The following PARD3B variants were observed in gnomAD, a reference collection of about 807,000 sequenced individuals.
The protein encoded by PARD3B is par-3 family cell polarity regulator beta.
Under a neutral mutation model 130.2 loss-of-function variants are expected in PARD3B, and 103 were observed. That is an observed-to-expected ratio of 0.79 (90% confidence interval 0.67 to 0.93). PARD3B has a LOEUF of 0.93. Among genes scored for constraint, PARD3B ranks in the 40% least tolerant of loss-of-function variants. The probability of loss-of-function intolerance (pLI) is 0.00; values close to 1 mark genes in which losing one functional copy is unlikely to be tolerated. For synonymous variants in PARD3B, 583 were observed against 553.2 expected (o/e 1.05, Z -0.76); for missense variants, 1,609 against 1,499.2 (o/e 1.07, Z -1.21).
intron 2 of PARD3B, among the ~76,000 whole-genome samples, chr2:204,847,824 CAACTT>C (rs2044526855): frequency 6.6e-6 from 1 of 152,114 alleles, no homozygotes; most frequent in South Asian, 2.1e-4. Context: ...TGAAAGTTCT[CAACTT>C]AATAAGGAAA....
At chr2:204,883,419 T>TATATATATAAAATATATATATATATATA (rs2046134535) in intron 2 of PARD3B, among the ~76,000 whole-genome samples, 1 of 105,704 alleles carries the variant, frequency 9.5e-6, no homozygotes, top group African/African-American at 4.5e-5. Flanking sequence ...ATATATATAA[T>TATATATATAAAATATATATATATATATA]ATATATATAT....
chr2:205,228,563 CT>C (rs1320042254), intron 15 of PARD3B, among the ~76,000 whole-genome samples: 1 of 152,022 alleles, frequency 6.6e-6, no homozygotes, highest in Non-Finnish European at 1.5e-5. Context: ...TGAGGATTTG[CT>C]TATTACTTGT....
intron 1 of PARD3B, among the ~76,000 whole-genome samples, chr2:204,655,979 T>C (rs1332251717): frequency 6.6e-6 from 1 of 152,064 alleles, no homozygotes. Context: ...AGTAGACTTA[T>C]CTTTGGTGGC....
chr2:204,808,533 T>C lies in PARD3B; in HGVS notation c.222+122251T>C, dbSNP rs556842703. ...TAGGCCCTAGTGTCTCCTCTTTGTG[T>C]CCATGTGAGCTCATCATTTAGCTCC... is the stretch of plus-strand genomic sequence containing the variant. On this transcript the variant is annotated intron_variant, in intron 2 of 22. Transcript: ENST00000406610. Among the ~76,000 whole-genome samples, 3 of 152,240 alleles carry C rather than the reference T, an allele frequency of 2.0e-5. No homozygotes were observed. In the South Asian group the frequency reaches 6.2e-4, roughly 32 times the overall value.
At chr2:204,694,298 G>A (rs1175308002) in intron 2 of PARD3B, among the ~76,000 whole-genome samples, 1 of 151,986 alleles carries the variant, frequency 6.6e-6, no homozygotes, top group Non-Finnish European at 1.5e-5. Flanking sequence ...CGATTAAGTG[G>A]TCTTTTTTTC....
In PARD3B at chr2:204,669,609, G is replaced by T. The variant is rs1257337534; in HGVS notation, c.121-16572G>T. On this transcript the variant is annotated intron_variant, in intron 1 of 22. Transcript: ENST00000406610. This position sits in a 1 kb window ranked among gnomAD's most constrained non-coding sequence, Gnocchi z 4.3. ...GTCATTTCCTATTTGGTTTATCAGG[G>T]AACACTATTTCCTTGGTTGCAATAA... is the stretch of plus-strand genomic sequence containing the variant. Among the ~76,000 whole-genome samples, 1 of 152,128 alleles carries T rather than the reference G, an allele frequency of 6.6e-6. No homozygotes were observed. The highest frequency in any genetic ancestry group is 2.4e-5 in the African/African-American group (1 of 41,420).
In PARD3B at chr2:205,262,134, AC is replaced by A. The variant is rs2040337975; in HGVS notation, c.2185+16314del. On this transcript the variant is annotated intron_variant, in intron 16 of 22. Transcript: ENST00000406610. ...AACTTACCAGTCATGTAAGACTGTTACCATAGAGTAAGTGGTGAGTTTGGCA... is the reference window on the plus strand; with the variant it reads ...AACTTACCAGTCATGTAAGACTGTTACATAGAGTAAGTGGTGAGTTTGGCA... Among the ~76,000 whole-genome samples, 7 of 152,130 alleles carry A rather than the reference AC, an allele frequency of 4.6e-5. No individual in the cohort carries two copies. The South Asian group carries it at 1.4e-3, about 31-fold the overall frequency.
chr2:204,571,200 A>G (rs2031984259), intron 1 of PARD3B, among the ~76,000 whole-genome samples: 1 of 152,214 alleles, frequency 6.6e-6, no homozygotes, highest in Non-Finnish European at 1.5e-5. Flanking sequence ...TGGGAAAAAC[A>G]CTGAACTTGG....
intron 1 of PARD3B, among the ~76,000 whole-genome samples, chr2:204,592,381 T>C (rs894581180): frequency 6.6e-6 from 1 of 152,232 alleles, no homozygotes; most frequent in African/African-American, 2.4e-5. Context: ...GAGGTACTTT[T>C]TATGTATTGT....
intron 2 of PARD3B, among the ~76,000 whole-genome samples, chr2:204,804,810 TA>T (rs1464810956): frequency 2.0e-5 from 3 of 152,040 alleles, no homozygotes; most frequent in African/African-American, 7.2e-5. Flanking sequence ...GGAATAAAAC[TA>T]GAAATCAATA....
intron 21 of PARD3B, among the ~76,000 whole-genome samples, chr2:205,524,137 C>T (rs1380743236): frequency 3.3e-5 from 5 of 152,068 alleles, no homozygotes; most frequent in Admixed American, 6.5e-5. Context: ...TCTTTATTCA[C>T]GATATTCCAA....
At chr2:205,396,332 T>C (rs2046028502) in intron 18 of PARD3B, among the ~76,000 whole-genome samples, 1 of 152,226 alleles carries the variant, frequency 6.6e-6, no homozygotes, top group African/African-American at 2.4e-5. Flanking sequence ...CGATATTGTG[T>C]GGTTTTGTAT....
intron 2 of PARD3B, among the ~76,000 whole-genome samples, chr2:204,941,357 G>C (rs915222747): frequency 6.6e-6 from 1 of 152,184 alleles, no homozygotes; most frequent in African/African-American, 2.4e-5. Context: ...CTGGGCGACA[G>C]AGCGAGACTC....
chr2:204,990,414 T>G (rs964698462), intron 3 of PARD3B, among the ~76,000 whole-genome samples: 1 of 152,140 alleles, frequency 6.6e-6, no homozygotes, highest in Non-Finnish European at 1.5e-5. Flanking sequence ...TTGAATATTC[T>G]CTTTTAGCTA....
chr2:205,023,483 G>A, intron 3 of PARD3B, among the ~76,000 whole-genome samples: 1 of 121,640 alleles, frequency 8.2e-6, no homozygotes, highest in Admixed American at 9.2e-5. Flanking sequence ...TGGTAAAGAA[G>A]CTACTTTTTT....
At chr2:204,578,810 T>C (rs13414039) in intron 1 of PARD3B, among the ~76,000 whole-genome samples, 13,312 of 152,102 alleles carry the variant, frequency 0.088, 1,693 homozygotes, top group African/African-American at 0.28. Context: ...AACTATGCAC[T>C]CTACTATGGG....
chr2:205,303,518 T>C (rs2042085425), intron 18 of PARD3B, among the ~76,000 whole-genome samples: 1 of 152,168 alleles, frequency 6.6e-6, no homozygotes, highest in African/African-American at 2.4e-5. Flanking sequence ...CCACAGCATC[T>C]ACCTGGCTTA....
chr2:205,296,273 C>T (rs548417631), intron 16 of PARD3B, among the ~76,000 whole-genome samples: 80 of 152,322 alleles, frequency 5.3e-4, no homozygotes, highest in African/African-American at 1.9e-3. Flanking sequence ...TCTACAGCCT[C>T]CTTTTAATCC....
At chr2:205,480,960 A>T (rs2049212764) in intron 20 of PARD3B, among the ~76,000 whole-genome samples, 1 of 152,184 alleles carries the variant, frequency 6.6e-6, no homozygotes, top group Non-Finnish European at 1.5e-5. Flanking sequence ...CACCAATGAC[A>T]GACTCCTGGG....
Sources: allele counts gnomAD v4.1 joint callset (sites outside exome capture counted in the v4.1 genomes callset), GRCh38; gene constraint gnomAD v4.1.1; non-coding constraint Gnocchi (gnomAD v3.1); transcripts MANE v1.5; gene names NCBI Gene and HGNC (gene_info 2026-07-23, HGNC 2026-07-21).